The following FBXL7 variants were observed in gnomAD, a reference collection of about 807,000 sequenced individuals.
FBXL7 encodes the protein F-box/LRR-repeat protein 7.
A neutral mutation model predicts 38.3 loss-of-function variants in FBXL7; 12 were observed. That is an observed-to-expected ratio of 0.31 (90% CI 0.20 to 0.51). The LOEUF (loss-of-function observed/expected upper bound fraction) is 0.51, where lower values mean the gene tolerates loss of function less well. FBXL7 is among the 20% of genes least tolerant of loss of function. FBXL7 has a pLI of 0.98. For synonymous variants in FBXL7, 297 were observed against 300.9 expected (o/e 0.99, Z 0.13); for missense variants, 567 against 676.4 (o/e 0.84, Z 1.79).
At chr5:15,919,556 C>G (rs1239736532) in intron 2 of FBXL7, among the ~76,000 whole-genome samples, 3 of 152,052 alleles carry the variant, frequency 2.0e-5, no homozygotes, top group Admixed American at 2.0e-4. Flanking sequence ...TTAATGGAAC[C>G]ACAAGTTCTT....
chr5:15,605,643 AT>A (rs1739981010), intron 1 of FBXL7, among the ~76,000 whole-genome samples: 1 of 152,170 alleles, frequency 6.6e-6, no homozygotes, highest in South Asian at 2.1e-4. Flanking sequence ...TGATGAAAAC[AT>A]TTTGGAAATA....
intron 2 of FBXL7, among the ~76,000 whole-genome samples, chr5:15,685,793 A>G (rs948211410): frequency 6.6e-6 from 1 of 152,220 alleles, no homozygotes; most frequent in Non-Finnish European, 1.5e-5. Context: ...GAATAGATGT[A>G]TAGAGCTTAG....
intron 2 of FBXL7, among the ~76,000 whole-genome samples, chr5:15,897,521 G>A (rs140684209): frequency 6.6e-6 from 1 of 152,278 alleles, no homozygotes; most frequent in African/African-American, 2.4e-5. Flanking sequence ...AGATGTTGAA[G>A]ATCCCAGGAA....
At chr5:15,751,038 A>ATTT (rs556058085) in intron 2 of FBXL7, among the ~76,000 whole-genome samples, 52 of 150,220 alleles carry the variant, frequency 3.5e-4, no homozygotes, top group African/African-American at 1.3e-3. Context: ...AAGAATGATG[A>ATTT]TTTTTTTTTT....
At chr5:15,505,443 T>TG (rs1250471710) in intron 1 of FBXL7, among the ~76,000 whole-genome samples, 1 of 152,146 alleles carries the variant, frequency 6.6e-6, no homozygotes, top group Non-Finnish European at 1.5e-5. Flanking sequence ...CTTCCCGCTA[T>TG]GGGCCCAGGA....
In FBXL7 at chr5:15,937,549, C is replaced by G; in HGVS notation, c.*363C>G. On this transcript the variant is annotated 3_prime_UTR_variant, in exon 4 of 4. Coordinates refer to ENST00000504595, the MANE Select transcript of FBXL7 (RefSeq NM_012304.5). ...GGCCCCACCCCCACAGTTCCACGCC[C>G]CCCCCCCAAGGCCACACCCTCCCTC... 5.7e-6 allele frequency: 1 copy of G among 174,650 alleles called. No individual in the cohort carries two copies. Among genetic ancestry groups the G allele is most frequent in the Non-Finnish European group, 1.1e-5 (1 of 91,834 alleles). The allele number at this position is 174,650 out of a possible 1,614,324, so 10.8% of individuals were successfully genotyped here. A position where few individuals can be genotyped will look rare whatever the true frequency, so the allele number is the denominator to read the frequency against.
chr5:15,591,431 A>T (rs1739472096), intron 1 of FBXL7, among the ~76,000 whole-genome samples: 1 of 150,028 alleles, frequency 6.7e-6, no homozygotes, highest in Non-Finnish European at 1.5e-5. Flanking sequence ...TCTGTCTCAA[A>T]AAAAAAAAAA....
intron 1 of FBXL7, among the ~76,000 whole-genome samples, chr5:15,589,807 C>T (rs1415341403): frequency 6.6e-6 from 1 of 152,126 alleles, no homozygotes; most frequent in African/African-American, 2.4e-5. Flanking sequence ...GCATAGCCAG[C>T]GTGTCCTCAA....
Position 15,500,567 on chromosome 5 carries a change from G to A in FBXL7, c.-110G>A, listed in dbSNP as rs1561006448. The A allele has an allele frequency of 1.4e-6, 2 of 1,464,458 alleles. No homozygotes were observed. Among genetic ancestry groups the A allele is most frequent in the Non-Finnish European group, 1.9e-6 (2 of 1,044,220 alleles). 90.7% of individuals were successfully genotyped at this position (1,464,458 alleles called of 1,614,324 possible). A position where few individuals can be genotyped will look rare whatever the true frequency, so the allele number is the denominator to read the frequency against. ...GGAGGTCGGCCCCGGAGCTTGGGGG[G>A]GATGTGCAGCTAACGGTCCCGTCGG... On this transcript the variant is annotated 5_prime_UTR_variant, in exon 1 of 4. Transcript: ENST00000504595.
At chr5:15,848,182 A>G (rs886800742) in intron 2 of FBXL7, among the ~76,000 whole-genome samples, 12 of 152,246 alleles carry the variant, frequency 7.9e-5, no homozygotes, top group African/African-American at 2.4e-4. Context: ...ACATTGTTGT[A>G]TGTACAATTA....
intron 2 of FBXL7, among the ~76,000 whole-genome samples, chr5:15,730,259 C>T (rs4235555): frequency 0.63 from 95,507 of 151,884 alleles, 30,581 homozygotes; most frequent in East Asian, 0.72. Context: ...TTCTCTTGCA[C>T]AGGTACTGTA....
intron 2 of FBXL7, among the ~76,000 whole-genome samples, chr5:15,754,709 G>A (rs1736245899): frequency 6.6e-6 from 1 of 152,132 alleles, no homozygotes; most frequent in African/African-American, 2.4e-5. Context: ...TGTCCTTCGG[G>A]AATAGTGAAG....
intron 2 of FBXL7, among the ~76,000 whole-genome samples, chr5:15,865,711 T>A (rs983105390): frequency 1.3e-5 from 2 of 151,998 alleles, no homozygotes; most frequent in Non-Finnish European, 2.9e-5. Flanking sequence ...TCTTCCCTCC[T>A]CCCTTCTCTC....
intron 1 of FBXL7, among the ~76,000 whole-genome samples, chr5:15,517,202 A>G (rs1736967571): frequency 2.6e-5 from 4 of 151,882 alleles, no homozygotes; most frequent in South Asian, 2.1e-4. Flanking sequence ...AACGTTTTGT[A>G]TTTTTAGTAG....
intron 2 of FBXL7, among the ~76,000 whole-genome samples, chr5:15,743,836 C>A (rs1028665341): frequency 6.6e-6 from 1 of 152,226 alleles, no homozygotes; most frequent in Non-Finnish European, 1.5e-5. Context: ...GACTTCAGTT[C>A]TTGACTTCTG....
At chr5:15,824,506 G>A (rs1358222443) in intron 2 of FBXL7, among the ~76,000 whole-genome samples, 1 of 151,596 alleles carries the variant, frequency 6.6e-6, no homozygotes, top group South Asian at 2.1e-4. Context: ...AGTTGCTAAA[G>A]TGCCTTTCTC....
At chr5:15,619,071 A>G (rs1199774874) in intron 2 of FBXL7, among the ~76,000 whole-genome samples, 1 of 152,160 alleles carries the variant, frequency 6.6e-6, no homozygotes, top group African/African-American at 2.4e-5. Context: ...TTCTTCCCTT[A>G]GGGTGGTCTT....
intron 2 of FBXL7, among the ~76,000 whole-genome samples, chr5:15,725,465 T>G (rs1744319835): frequency 6.6e-6 from 1 of 152,204 alleles, no homozygotes; most frequent in South Asian, 2.1e-4. Flanking sequence ...ATTTTTCTGT[T>G]ATTGATTTCT....
At chr5:15,775,332 TTC>T (rs534293308) in intron 2 of FBXL7, among the ~76,000 whole-genome samples, 200 of 152,200 alleles carry the variant, frequency 1.3e-3, no homozygotes, top group African/African-American at 4.3e-3. Context: ...TTTTTGACAG[TTC>T]TGTCATGTTT....
Sources: allele counts gnomAD v4.1 joint callset (sites outside exome capture counted in the v4.1 genomes callset), GRCh38; gene constraint gnomAD v4.1.1; transcripts MANE v1.5; gene names NCBI Gene and HGNC (gene_info 2026-07-23, HGNC 2026-07-21).